PKHD1: variants seen among roughly 807,000 people sequenced by gnomAD.
The protein encoded by PKHD1 is PKHD1 ciliary IPT domain containing fibrocystin/polyductin, also known as fibrocystin.
A neutral mutation model predicts 412.0 loss-of-function variants in PKHD1; 291 were observed. That is an observed-to-expected ratio of 0.71 (90% CI 0.64 to 0.78). The LOEUF is 0.78. Among genes scored for constraint, PKHD1 ranks in the 30% least tolerant of loss-of-function variants. The pLI is 0.00. For synonymous variants in PKHD1, 1,777 were observed against 1,821.5 expected, an observed-to-expected ratio of 0.98 and a Z score of 0.62; for missense variants, 4,825 against 4,950.7, an observed-to-expected ratio of 0.97 and a Z score of 0.76.
At chr6:52,021,293 T>C (rs1374219813) in intron 33 of PKHD1, among the ~76,000 whole-genome samples, 2 of 152,218 alleles carry the variant, frequency 1.3e-5, no homozygotes, top group African/African-American at 4.8e-5. Flanking sequence ...CCCAAGAAGT[T>C]ATAAAACTTA....
At chr6:51,654,308 G>T (rs2661499) in intron 61 of PKHD1, among the ~76,000 whole-genome samples, 139,309 of 152,200 alleles carry the variant, frequency 0.92, 63,874 homozygotes, top group East Asian at 1. Context: ...TAATAGATAC[G>T]GAATGAGATT....
intron 56 of PKHD1, 74 bp from the exon 57 acceptor site, chr6:51,753,427 A>C (rs1786450283): frequency 8.3e-7 from 1 of 1,207,716 alleles, no homozygotes. Flanking sequence ...GGGACCCAGC[A>C]AACCTGAGAA....
chr6:51,938,543 C>A (rs1266898), intron 36 of PKHD1, among the ~76,000 whole-genome samples: 100,045 of 144,932 alleles, frequency 0.69, 35,673 homozygotes, highest in East Asian at 0.94. Flanking sequence ...TCCTTTACCT[C>A]CCCAAATCTT....
At chr6:51,665,843 G>T (rs1773667306) in intron 60 of PKHD1, among the ~76,000 whole-genome samples, 1 of 152,138 alleles carries the variant, frequency 6.6e-6, no homozygotes, top group South Asian at 2.1e-4. Context: ...GAAGAACAGG[G>T]TCCACAGCCT....
intron 1 of PKHD1, 54 bp downstream of exon 1, chr6:52,087,380 G>C (rs1296610575): frequency 6.6e-6 from 1 of 152,178 alleles, no homozygotes; most frequent in African/African-American, 2.4e-5. Context: ...ACGTTAACAA[G>C]AGATACAACA....
At chr6:51,738,951 C>T (rs1176015801) in intron 60 of PKHD1, among the ~76,000 whole-genome samples, 2 of 151,772 alleles carry the variant, frequency 1.3e-5, no homozygotes, top group African/African-American at 4.8e-5. Flanking sequence ...CTCAAACTAC[C>T]TTTCTAGCCC....
chr6:52,043,724 CA>C lies in PKHD1; in HGVS notation c.2721del (p.Val908CysfsTer3). ...TGAGCTGGTACATCATTCACTCGCACAACCACCTGAAATGAGGCAAAATTTC... is the reference window on the plus strand; with the variant it reads ...TGAGCTGGTACATCATTCACTCGCACACCACCTGAAATGAGGCAAAATTTC... Reference protein sequence around the residue: ...LATANQHTQVVVRVNDVPAHC... With the variant: ...LATANQHTQVXVRVNDVPAHC... On this transcript the variant is annotated frameshift_variant, in exon 26 of 67. Transcript: ENST00000371117. LOFTEE classifies it high-confidence loss of function. The C allele has an allele frequency of 6.2e-7, 1 of 1,613,178 alleles. No individual in the cohort carries two copies. Among genetic ancestry groups the C allele is most frequent in the Non-Finnish European group, 8.5e-7 (1 of 1,179,190 alleles).
rs554483952 is a variant in PKHD1 at position 51,618,900 on chromosome 6, C to A, written c.*181G>T. 2.2e-5 allele frequency: 14 copies of A among 646,126 alleles called. No homozygotes were observed. The highest frequency in any genetic ancestry group is 3.6e-5 in the Non-Finnish European group (13 of 366,180). 40.0% of individuals were successfully genotyped at this position (646,126 alleles called of 1,614,324 possible). A position where few individuals can be genotyped will look rare whatever the true frequency, so the allele number is the denominator to read the frequency against. ...TGATAGCTGCAAAATATGTATGAGA[C>A]ATTTTTCAGTCTGTAAGCATTTATA... is the stretch of plus-strand genomic sequence containing the variant. On this transcript the variant is annotated 3_prime_UTR_variant, in exon 67 of 67. Transcript: ENST00000371117.
chr6:52,023,108 C>T (rs1228197008), intron 32 of PKHD1, among the ~76,000 whole-genome samples, 164 bp from the exon 33 acceptor site: 1 of 152,206 alleles, frequency 6.6e-6, no homozygotes, highest in Non-Finnish European at 1.5e-5. Context: ...TTCCTCTCCA[C>T]TTAGGCTCTG....
chr6:52,042,893 C>T lies in PKHD1; in HGVS notation c.3063G>A (p.Leu1021=), dbSNP rs1015087359. 1 of 1,613,944 alleles carries T rather than the reference C, an allele frequency of 6.2e-7. No individual in the cohort carries two copies. The highest frequency in any genetic ancestry group is 8.5e-7 in the Non-Finnish European group (1 of 1,179,860). ...CAGCTCTGGAAGGCTCCACCATATC[C>T]AGTCTAGGTTTCACATTTAGGAAGA... is the stretch of plus-strand genomic sequence containing the variant. The part of the protein sequence containing the change: ...EDLFLNVKPR[L]DMVEPSRAAD... Residue 1021 remains leucine (L), a synonymous_variant, in exon 27 of 67, where the codon CTG becomes CTA. Transcript: ENST00000371117.
intron 55 of PKHD1, among the ~76,000 whole-genome samples, chr6:51,768,475 A>G (rs1789509635): frequency 6.6e-6 from 1 of 151,984 alleles, no homozygotes; most frequent in South Asian, 2.1e-4. Context: ...AGATATTTGC[A>G]GTTGAAATTT....
chr6:51,881,789 G>T (rs115078751), intron 46 of PKHD1, among the ~76,000 whole-genome samples: 200 of 152,230 alleles, frequency 1.3e-3, no homozygotes, highest in African/African-American at 4.6e-3. Context: ...TAATTATGTG[G>T]TTTTATGATT....
chr6:52,028,169 T>G lies in PKHD1; in HGVS notation c.3547A>C (p.Ile1183Leu). 6.2e-7 allele frequency: 1 copy of G among 1,614,178 alleles called. No individual in the cohort carries two copies. The highest frequency in any genetic ancestry group is 1.1e-5 in the South Asian group (1 of 91,092). Residue 1183 changes from isoleucine to leucine, a missense_variant, in exon 30 of 67, where the codon ATT (isoleucine) becomes CTT (leucine). Coordinates refer to ENST00000371117, the MANE Select transcript of PKHD1 (RefSeq NM_138694.4). ...TGGTCACCTCACCCTTGTGAGTGAATGCTGACCCCATTGATAGAGACGGAA... is the reference window on the plus strand; with the variant it reads ...TGGTCACCTCACCCTTGTGAGTGAAGGCTGACCCCATTGATAGAGACGGAA... The part of the protein sequence containing the change: ...RISVSINGVS[I>L]HSQGVDLHIQ...
chr6:51,942,271 T>A (rs894503425), intron 36 of PKHD1, among the ~76,000 whole-genome samples: 4 of 151,578 alleles, frequency 2.6e-5, no homozygotes, highest in African/African-American at 9.7e-5. Context: ...CAGTCAGAAT[T>A]CTTACCCAAG....
chr6:51,635,865 GGGC>G (rs869141126), intron 64 of PKHD1, among the ~76,000 whole-genome samples: 43 of 101,462 alleles, frequency 4.2e-4, no homozygotes, highest in African/African-American at 1.4e-3. Flanking sequence ...AGGTGGGGGG[GGGC>G]GGGGGGCCGG....
chr6:51,744,250 G>T, intron 60 of PKHD1, 135 bp downstream of exon 60: 1 of 792,246 alleles, frequency 1.3e-6, no homozygotes. Context: ...TGAATTGGCA[G>T]CAGATTAGCA....
chr6:51,977,379 G>A (rs1794599291), intron 35 of PKHD1, among the ~76,000 whole-genome samples: 1 of 152,198 alleles, frequency 6.6e-6, no homozygotes, highest in Non-Finnish European at 1.5e-5. Context: ...ATCACCTGTA[G>A]TCTTCAGATA....
At chr6:51,648,217 G>C in intron 62 of PKHD1, 99 bp from the exon 63 acceptor site, 1 of 725,566 alleles carries the variant, frequency 1.4e-6, no homozygotes, top group South Asian at 1.5e-5. Context: ...CTTTTATAAA[G>C]CATATATTCA....
chr6:51,808,287 A>G (rs1764153670), intron 52 of PKHD1, among the ~76,000 whole-genome samples: 1 of 152,068 alleles, frequency 6.6e-6, no homozygotes, highest in Admixed American at 6.6e-5. Flanking sequence ...ATATCTTTCG[A>G]AAGATACCAA....
Sources: gnomAD v4.1 joint callset for allele counts (sites outside exome capture counted in the v4.1 genomes callset) on GRCh38, gnomAD v4.1.1 for gene constraint, MANE v1.5 for transcripts, NCBI Gene and HGNC (gene_info 2026-07-23, HGNC 2026-07-21) for gene names.